Variants in SYTL2 observed in about 807,000 individuals in gnomAD.
SYTL2 encodes synaptotagmin-like protein 2.
SYTL2 carries 165 observed loss-of-function variants against 198.7 expected under a neutral mutation model. The ratio of observed to expected loss-of-function variants is 0.83; its 90% CI spans 0.73 to 0.94. The LOEUF is 0.94. Ranked by LOEUF, SYTL2 falls within the 40% of genes least tolerant of loss-of-function variation. The pLI is 0.00. For synonymous variants in SYTL2, 966 were observed against 917.7 expected (o/e 1.05, Z -0.95); for missense variants, 2,835 against 2,582.8 (o/e 1.10, Z -2.12).
chr11:85,700,709 A>T, intron 16 of SYTL2, 116 bp from the exon 17 acceptor site: 2 of 749,456 alleles, frequency 2.7e-6, no homozygotes, highest in Non-Finnish European at 4.7e-6. Flanking sequence ...GTCACTCATG[A>T]GTGCTCTGGA....
In SYTL2 at chr11:85,726,418, A is replaced by C. The variant is rs1356198827; in HGVS notation, c.2940T>G (p.Ser980=). The C allele has an allele frequency of 6.2e-7, 1 of 1,613,208 alleles. No individual in the cohort carries two copies. Among genetic ancestry groups the C allele is most frequent in the Non-Finnish European group, 8.5e-7 (1 of 1,179,794 alleles). ...AAAACTTTCTCAAATTCTCAAACTG[A>C]GAGGGATTATAGACCTGTTCTGCAT... The part of the protein sequence containing the change: ...EPNAEQVYNP[S]QFENLRKFWD... Residue 980 remains serine (S), a synonymous_variant, in exon 8 of 20, where the codon TCT becomes TCG. Transcript: ENST00000359152.
the SYTL2 span, among the ~76,000 whole-genome samples, chr11:85,843,157 C>A: frequency 7.9e-5 from 12 of 152,114 alleles, no homozygotes; most frequent in South Asian, 2.5e-3. Context: ...GCAGATCACT[C>A]GAGGTCTGGA....
chr11:85,827,069 C>T, the SYTL2 span, among the ~76,000 whole-genome samples: 2,278 of 152,282 alleles, frequency 0.015, 27 homozygotes, highest in African/African-American at 0.033. Flanking sequence ...ATACTATTAT[C>T]CAAGGATGTC....
chr11:85,706,450 T>C (rs569228774), intron 15 of SYTL2, among the ~76,000 whole-genome samples: 158 of 152,328 alleles, frequency 1.0e-3, no homozygotes, highest in Non-Finnish European at 1.7e-3. Context: ...GCAAGATTAC[T>C]GAGGCAGCAG....
At chr11:85,761,272 G>A (rs2092088433) in intron 1 of SYTL2, among the ~76,000 whole-genome samples, 1 of 152,214 alleles carries the variant, frequency 6.6e-6, no homozygotes, top group Non-Finnish European at 1.5e-5. Flanking sequence ...AATAACTCAG[G>A]GAGAGTAGGA....
At chr11:85,746,477 T>A (rs541458471) in intron 3 of SYTL2, among the ~76,000 whole-genome samples, 96 of 152,358 alleles carry the variant, frequency 6.3e-4, no homozygotes, top group Middle Eastern at 3.4e-3. Flanking sequence ...GTTCTTTGCA[T>A]GCATTATTCT....
At chr11:85,753,288 C>T (rs928729360) in intron 2 of SYTL2, among the ~76,000 whole-genome samples, 2 of 152,166 alleles carry the variant, frequency 1.3e-5, no homozygotes, top group African/African-American at 4.8e-5. Flanking sequence ...AAAGAATCCA[C>T]CCTGATGTCT....
chr11:85,728,443 C>T (rs1275382166), intron 7 of SYTL2, among the ~76,000 whole-genome samples: 1 of 151,936 alleles, frequency 6.6e-6, no homozygotes, highest in African/African-American at 2.4e-5. Context: ...TGCACCACCA[C>T]GCTCAGCTAA....
At chr11:85,757,589 C>T (rs746388171) in intron 2 of SYTL2, 36 bp downstream of exon 2, 1 of 1,608,084 alleles carries the variant, frequency 6.2e-7, no homozygotes, top group South Asian at 1.1e-5. Flanking sequence ...ACTGCCTCTT[C>T]CTTCCCTCAT....
intron 1 of SYTL2, among the ~76,000 whole-genome samples, chr11:85,804,426 T>C (rs1437632685): frequency 6.6e-6 from 1 of 152,206 alleles, no homozygotes; most frequent in Non-Finnish European, 1.5e-5. Flanking sequence ...GGAGTCAAAC[T>C]GCCTGGATTC....
chr11:85,833,016 AAAGAAAG>A, the SYTL2 span, among the ~76,000 whole-genome samples: 146 of 21,108 alleles, frequency 6.9e-3, 14 homozygotes, highest in Middle Eastern at 0.031. Flanking sequence ...GAAAGAAAAG[AAAGAAAG>A]AAAGAAAGAA....
rs189488573 is a variant in SYTL2 at position 85,783,429 on chromosome 11, G to A, written c.-389-25315C>T. On this transcript the variant is annotated intron_variant, in intron 1 of 19. Coordinates refer to ENST00000359152, the MANE Select transcript of SYTL2 (RefSeq NM_206927.4). Reference sequence around the variant, plus strand: ...CTACAATTCAAGATGATATTTCGGTGGGGACATAGCCAAACCATATAAAAC... The same window carrying A: ...CTACAATTCAAGATGATATTTCGGTAGGGACATAGCCAAACCATATAAAAC... Among the ~76,000 whole-genome samples, 24 of 152,206 alleles carry A rather than the reference G, an allele frequency of 1.6e-4. No individual in the cohort carries two copies. In the East Asian group the frequency reaches 4.4e-3, roughly 28 times the overall value.
rs1051228976 is a variant in SYTL2, at chr11:85,727,045, T to G, written c.2313A>C (p.Gln771His). 4.6e-6 allele frequency: 7 copies of G among 1,536,422 alleles called. No individual in the cohort carries two copies. The South Asian group carries it at 4.8e-5, about 10-fold the overall frequency. The change falls in exon 8 of 20, where the codon CAA (glutamine) becomes CAC (histidine). Residue 771 changes from glutamine to histidine, a missense_variant. By Grantham distance (24) the Gln-to-His change is conservative. Coordinates refer to ENST00000359152, the MANE Select transcript of SYTL2 (RefSeq NM_206927.4). The stretch of plus-strand genomic sequence containing the variant: ...GAACCTCACCAGCTTCTTGCTGGAA[T>G]TGGACCTCAGGCTTCTTCCAAGGAG... Reference protein sequence around the residue: ...NGSPWKKPEVQFQQEAGEVPK... With the variant: ...NGSPWKKPEVHFQQEAGEVPK...
Position 85,785,646 on chromosome 11 carries a change from A to C in SYTL2, c.-390+25308T>G, listed in dbSNP as rs544007669. On this transcript the variant is annotated intron_variant, in intron 1 of 19. Transcript: ENST00000359152. Reference sequence around the variant, plus strand: ...GAGAATTAAAGAAGGTATACTCCCCAAGTTTTAACTCTCAAGGTCAATCAG... The same window carrying C: ...GAGAATTAAAGAAGGTATACTCCCCCAGTTTTAACTCTCAAGGTCAATCAG... Among the ~76,000 whole-genome samples the C allele has an allele frequency of 3.3e-4, 51 of 152,310 alleles. 2 individuals are homozygous for C. Among genetic ancestry groups the C allele is most frequent in the South Asian group, 2.3e-3 (11 of 4,832 alleles).
intron 2 of SYTL2, among the ~76,000 whole-genome samples, chr11:85,753,604 CA>C (rs1445765066): frequency 6.6e-6 from 1 of 151,870 alleles, no homozygotes; most frequent in African/African-American, 2.4e-5. Flanking sequence ...TGGGAAGTAA[CA>C]AAACCTTTTT....
intron 15 of SYTL2, 65 bp from the exon 16 acceptor site, chr11:85,705,093 AG>A (rs1276919438): frequency 6.0e-6 from 8 of 1,324,288 alleles, no homozygotes; most frequent in Non-Finnish European, 8.5e-6. Context: ...TATAACACAG[AG>A]ATGAAGAGAA....
chr11:85,777,256 G>A (rs2153591926), intron 1 of SYTL2, among the ~76,000 whole-genome samples: 1 of 152,318 alleles, frequency 6.6e-6, no homozygotes, highest in South Asian at 2.1e-4. Flanking sequence ...GTAACAGTAA[G>A]TATCAGGAAG....
At position 85,726,645 on chromosome 11, in the gene SYTL2, T is replaced by A; in HGVS notation, c.2713A>T (p.Asn905Tyr). 6.5e-7 allele frequency: 1 copy of A among 1,537,434 alleles called. No individual in the cohort carries two copies. Among genetic ancestry groups the A allele is most frequent in the Non-Finnish European group, 8.7e-7 (1 of 1,147,366 alleles). The change falls in exon 8 of 20, where the codon AAT (asparagine) becomes TAT (tyrosine). Residue 905 changes from asparagine to tyrosine, a missense_variant. By Grantham distance (143) the Asn-to-Tyr change is moderately radical (BLOSUM62 -2). Transcript: ENST00000359152. ...EQSDKVSLFQ[N>Y]KKNEPIKRSQ... ...CTTTTTATAGGCTCATTTTTCTTAT[T>A]CTGAAACAGAGACACTTTATCTGAT...
At chr11:85,833,369 A>G in the SYTL2 span, among the ~76,000 whole-genome samples, 1 of 147,730 alleles carries the variant, frequency 6.8e-6, no homozygotes, top group Non-Finnish European at 1.5e-5. Flanking sequence ...TATATGAGAT[A>G]TATGATATAT....
Sources: gnomAD v4.1 joint callset for allele counts (sites outside exome capture counted in the v4.1 genomes callset) on GRCh38, gnomAD v4.1.1 for gene constraint, MANE v1.5 for transcripts, NCBI Gene and HGNC (gene_info 2026-07-23, HGNC 2026-07-21) for gene names.